Variants in LRIG2 observed in about 807,000 individuals in gnomAD.
LRIG2 encodes leucine rich repeats and immunoglobulin like domains 2.
Under a neutral mutation model 107.8 loss-of-function variants are expected in LRIG2, and 93 were observed. That is an observed-to-expected ratio of 0.86 (90% CI 0.73 to 1.03). The LOEUF is 1.03. Among genes scored for constraint, LRIG2 ranks in the 50% least tolerant of loss-of-function variants. The probability of loss-of-function intolerance (pLI) is 0.00; values close to 1 mark genes in which losing one functional copy is unlikely to be tolerated. For missense variants in LRIG2, 1,226 were observed against 1,296.0 expected, an observed-to-expected ratio of 0.95 and a Z score of 0.83; for synonymous variants, 471 against 470.6, an observed-to-expected ratio of 1.00 and a Z score of -0.01.
chr1:113,073,435 A>G lies in LRIG2; in HGVS notation c.29A>G (p.Glu10Gly), dbSNP rs774741384. MAPAPLGVP[E>G]EQLLGCRSRV... Reference sequence around the variant, plus strand: ...GCGCCGGCGCCCCTAGGCGTCCCGGAGGAGCAGTTGCTGGGGTGTCGATCT... The same window carrying G: ...GCGCCGGCGCCCCTAGGCGTCCCGGGGGAGCAGTTGCTGGGGTGTCGATCT... The change falls in exon 1 of 18, where the codon GAG becomes GGG. Residue 10 changes from glutamate to glycine, a missense_variant. This residue lies in a region of LRIG2 where 570 missense variants were observed against 550.2 expected (regional missense o/e 1.04). Transcript: ENST00000361127. 1.2e-6 allele frequency: 2 copies of G among 1,614,024 alleles called. No individual in the cohort carries two copies. Among genetic ancestry groups the G allele is most frequent in the South Asian group, 1.1e-5 (1 of 91,068 alleles).
intron 1 of LRIG2, among the ~76,000 whole-genome samples, chr1:113,075,794 C>T (rs1652952270): frequency 6.9e-6 from 1 of 145,868 alleles, no homozygotes; most frequent in African/African-American, 2.5e-5. Context: ...TTCCCAGGTT[C>T]AAGCGATTCT....
intron 12 of LRIG2, among the ~76,000 whole-genome samples, chr1:113,110,012 A>G (rs957791967): frequency 1.3e-5 from 2 of 152,186 alleles, no homozygotes; most frequent in Admixed American, 6.5e-5. Flanking sequence ...CTGAGTTCCA[A>G]TCCAGGCTCT....
intron 1 of LRIG2, among the ~76,000 whole-genome samples, chr1:113,085,951 A>G (rs1653527927): frequency 6.6e-6 from 1 of 151,440 alleles, no homozygotes; most frequent in Non-Finnish European, 1.5e-5. Context: ...TCAAGATCAT[A>G]AGCACGTTAA....
intron 15 of LRIG2, 125 bp downstream of exon 15, chr1:113,115,001 C>A: frequency 1.2e-6 from 1 of 829,466 alleles, no homozygotes; most frequent in Non-Finnish European, 1.8e-6. Context: ...CCCAGCTACT[C>A]AGGAGGATGA....
chr1:113,082,513 G>A (rs1191693298), intron 1 of LRIG2, among the ~76,000 whole-genome samples: 1 of 152,202 alleles, frequency 6.6e-6, no homozygotes, highest in Non-Finnish European at 1.5e-5. Context: ...TTGGCTTCTG[G>A]TGAGGCCTCA....
intron 16 of LRIG2, among the ~76,000 whole-genome samples, chr1:113,118,014 G>A (rs1255697113): frequency 3.3e-5 from 5 of 151,296 alleles, no homozygotes; most frequent in Non-Finnish European, 5.9e-5. Context: ...TTGCCTCCCC[G>A]GTTCAAGCGA....
intron 2 of LRIG2, among the ~76,000 whole-genome samples, chr1:113,091,974 A>G (rs376893455): frequency 6.6e-6 from 1 of 152,328 alleles, no homozygotes; most frequent in East Asian, 1.9e-4. Context: ...TGCCTCTACA[A>G]TTAACACCAT....
At chr1:113,098,859 T>C (rs1474673539) in intron 9 of LRIG2, 74 bp downstream of exon 9, 2 of 893,582 alleles carry the variant, frequency 2.2e-6, no homozygotes, top group Non-Finnish European at 3.6e-6. Flanking sequence ...GATTGAATTA[T>C]GTTTATTTCA....
intron 11 of LRIG2, among the ~76,000 whole-genome samples, chr1:113,102,058 T>C (rs546212195): frequency 1.5e-4 from 23 of 152,198 alleles, no homozygotes; most frequent in African/African-American, 5.3e-4. Context: ...GAGGGGAAAC[T>C]CTTTTGAAGA....
intron 1 of LRIG2, among the ~76,000 whole-genome samples, chr1:113,084,000 AATAAT>A (rs1393794768): frequency 6.5e-5 from 2 of 30,708 alleles, no homozygotes; most frequent in Non-Finnish European, 1.3e-4. Flanking sequence ...CTTAAAGTAT[AATAAT>A]AATAATAATA....
At chr1:113,097,581 T>C (rs1277207388) in intron 8 of LRIG2, among the ~76,000 whole-genome samples, 1 of 152,242 alleles carries the variant, frequency 6.6e-6, no homozygotes, top group African/African-American at 2.4e-5. Context: ...AACTTAGATG[T>C]AGCTGCAGCC....
At chr1:113,080,829 A>C (rs1653238815) in intron 1 of LRIG2, among the ~76,000 whole-genome samples, 1 of 148,758 alleles carries the variant, frequency 6.7e-6, no homozygotes, top group South Asian at 2.1e-4. Flanking sequence ...ATATGGGAAC[A>C]CTAAAAGTTT....
chr1:113,098,860 G>A, intron 9 of LRIG2, 75 bp downstream of exon 9: 1 of 883,588 alleles, frequency 1.1e-6, no homozygotes, highest in Non-Finnish European at 1.8e-6. Context: ...ATTGAATTAT[G>A]TTTATTTCAT....
At chr1:113,084,061 T>C (rs1489475619) in intron 1 of LRIG2, among the ~76,000 whole-genome samples, 1 of 148,874 alleles carries the variant, frequency 6.7e-6, no homozygotes, top group African/African-American at 2.4e-5. Context: ...ATCCCAGTGA[T>C]TCTCTGATTT....
intron 1 of LRIG2, among the ~76,000 whole-genome samples, chr1:113,076,351 T>C (rs1652984456): frequency 6.6e-6 from 1 of 152,236 alleles, no homozygotes; most frequent in Non-Finnish European, 1.5e-5. Flanking sequence ...GGTAAACATT[T>C]AGAAGTAATT....
chr1:113,087,364 T>G (rs577816729), intron 1 of LRIG2, among the ~76,000 whole-genome samples: 10 of 152,316 alleles, frequency 6.6e-5, no homozygotes, highest in East Asian at 1.9e-4. Context: ...TTTAATTTTT[T>G]GGGGGATGGA....
chr1:113,073,626 C>T lies in LRIG2; in HGVS notation c.220C>T (p.Pro74Ser), dbSNP rs1042649458. 3 of 1,612,420 alleles carry T rather than the reference C, an allele frequency of 1.9e-6. No individual in the cohort carries two copies. The African/African-American group carries it at 4.0e-5, about 22-fold the overall frequency. The change falls in exon 1 of 18, where the codon CCC (proline) becomes TCC (serine). Residue 74 changes from proline to serine, a missense_variant. Coordinates refer to ENST00000361127, the MANE Select transcript of LRIG2 (RefSeq NM_014813.3). ...PSWRALSGLL[P>S]PDTAILDFSH... is the part of the protein sequence containing the mutation. ...CTGGAGGGCGCTGTCGGGCTTGCTG[C>T]CCCCCGACACCGCTATCCTGTGAGT... is the stretch of plus-strand genomic sequence containing the variant.
At chr1:113,095,777 A>C in intron 6 of LRIG2, 97 bp from the exon 7 acceptor site, 1 of 1,214,858 alleles carries the variant, frequency 8.2e-7, no homozygotes, top group Non-Finnish European at 1.2e-6. Flanking sequence ...GGTTGAACAA[A>C]GGTATATGCT....
Position 113,093,256 on chromosome 1 carries a change from C to T in LRIG2, c.356C>T (p.Thr119Ile), listed in dbSNP as rs1653903586. ...LTEIPYFGEP[T>I]SNITLLSLVH... is the part of the protein sequence containing the mutation. ...GAAATCCCGTATTTTGGAGAACCTA[C>T]ATCTAATATTACTCTACTTTCATTG... Residue 119 changes from threonine (T) to isoleucine (I), a missense_variant, in exon 3 of 18, where the codon ACA becomes ATA. Physicochemically the swap from Thr to Ile is moderately conservative, Grantham distance 89. Transcript: ENST00000361127. 2.5e-6 allele frequency: 4 copies of T among 1,596,848 alleles called. No homozygotes were observed. Among genetic ancestry groups the T allele is most frequent in the African/African-American group, 1.3e-5 (1 of 74,356 alleles).
Sources: allele counts gnomAD v4.1 joint callset (sites outside exome capture counted in the v4.1 genomes callset), GRCh38; gene constraint gnomAD v4.1.1; regional missense constraint gnomAD v4.1.1; transcripts MANE v1.5; gene names NCBI Gene and HGNC (gene_info 2026-07-23, HGNC 2026-07-21).